Variants in MTHFD1L observed in about 807,000 individuals in gnomAD.
The protein encoded by MTHFD1L is methylenetetrahydrofolate dehydrogenase (NADP+ dependent) 1 like, also known as monofunctional C1-tetrahydrofolate synthase, mitochondrial.
MTHFD1L carries 81 observed loss-of-function variants against 119.5 expected under a neutral mutation model. The ratio of observed to expected loss-of-function variants is 0.68; its 90% CI spans 0.57 to 0.82. The LOEUF (loss-of-function observed/expected upper bound fraction) is 0.82, where lower values mean the gene tolerates loss of function less well. Among genes scored for constraint, MTHFD1L ranks in the 40% least tolerant of loss-of-function variants. The pLI is 0.00. For missense variants in MTHFD1L, 1,125 were observed against 1,253.4 expected (o/e 0.90, Z 1.55); for synonymous variants, 430 against 475.2 (o/e 0.90, Z 1.24).
chr6:151,049,035 G>C lies in MTHFD1L; in HGVS notation c.2847+11918G>C, dbSNP rs115593626. On this transcript the variant is annotated intron_variant, in intron 26 of 27. Transcript: ENST00000367321. ...GGCACTAATTGCAAATCCAGGCCAT[G>C]CATACTTCTCTGACTGCCTGGCTAA... Among the ~76,000 whole-genome samples the C allele has an allele frequency of 4.7e-3, 714 of 152,342 alleles. 7 individuals are homozygous for C. The highest frequency in any genetic ancestry group is 0.017 in the African/African-American group (689 of 41,590).
chr6:151,069,990 G>A (rs775877508), intron 26 of MTHFD1L, among the ~76,000 whole-genome samples: 5 of 152,032 alleles, frequency 3.3e-5, no homozygotes, highest in Admixed American at 6.6e-5. Flanking sequence ...ACTCTTCATC[G>A]GCAAGGTGTC....
chr6:150,998,652 A>C (rs975766722), intron 20 of MTHFD1L, among the ~76,000 whole-genome samples: 1 of 149,776 alleles, frequency 6.7e-6, no homozygotes, highest in African/African-American at 2.5e-5. Context: ...GCATGCAGTT[A>C]AATCTTTCAT....
chr6:150,917,485 A>G (rs1184227734), intron 8 of MTHFD1L, among the ~76,000 whole-genome samples: 1 of 151,462 alleles, frequency 6.6e-6, no homozygotes, highest in African/African-American at 2.4e-5. Flanking sequence ...GAGAGACTCT[A>G]TCTCAAAAAT....
At chr6:150,977,530 G>A (rs906801990) in intron 20 of MTHFD1L, among the ~76,000 whole-genome samples, 13 of 152,106 alleles carry the variant, frequency 8.5e-5, no homozygotes, top group Non-Finnish European at 1.5e-4. Context: ...ATTTGGCATC[G>A]AATTCTAATC....
Position 151,012,016 on chromosome 6 carries a change from C to T in MTHFD1L, c.2266-1763C>T, listed in dbSNP as rs1007765723. Among the ~76,000 whole-genome samples the T allele has an allele frequency of 9.8e-4, 27 of 27,620 alleles. No homozygotes were observed. In the East Asian group the frequency reaches 0.021, roughly 21 times the overall value. The allele number at this position is 27,620 out of a possible 152,430, so 18.1% of individuals were successfully genotyped here. Reference sequence around the variant, plus strand: ...AAGTCCATCTCAACAACAACAACAACAACAAAAAAAAAAAAAAAAAAAAAA... The same window carrying T: ...AAGTCCATCTCAACAACAACAACAATAACAAAAAAAAAAAAAAAAAAAAAA... On this transcript the variant is annotated intron_variant, in intron 21 of 27. Coordinates refer to ENST00000367321, the MANE Select transcript of MTHFD1L (RefSeq NM_015440.5).
intron 4 of MTHFD1L, 54 bp from the exon 5 acceptor site, chr6:150,882,708 G>T: frequency 1.6e-6 from 2 of 1,268,328 alleles, no homozygotes; most frequent in East Asian, 2.9e-5. Flanking sequence ...TTCCTTTGTT[G>T]GGTCTCATTT....
chr6:151,064,516 T>C (rs903516844), intron 26 of MTHFD1L, among the ~76,000 whole-genome samples: 2 of 152,118 alleles, frequency 1.3e-5, no homozygotes, highest in Non-Finnish European at 2.9e-5. Flanking sequence ...GGTTTTACCA[T>C]CTTGGCCAGG....
chr6:150,897,262 C>A (rs899282826), intron 7 of MTHFD1L, among the ~76,000 whole-genome samples: 1 of 152,156 alleles, frequency 6.6e-6, no homozygotes, highest in African/African-American at 2.4e-5. Flanking sequence ...AATTAAAACA[C>A]CATCTATCTC....
intron 20 of MTHFD1L, among the ~76,000 whole-genome samples, chr6:150,975,598 A>G (rs1440693042): frequency 6.6e-6 from 1 of 151,950 alleles, no homozygotes; most frequent in African/African-American, 2.4e-5. Flanking sequence ...AAAACCAAAA[A>G]CTCCAAATGT....
chr6:151,012,039 A>C (rs1186242021), intron 21 of MTHFD1L, among the ~76,000 whole-genome samples: 151 of 147,696 alleles, frequency 1.0e-3, no homozygotes, highest in African/African-American at 3.8e-3. Flanking sequence ...AAAAAAAAAA[A>C]AAAAAAAAAA....
Position 150,926,387 on chromosome 6 carries a change from C to A in MTHFD1L, c.1256+92C>A. ...CTCTCCTCGTACCCCTCAATCCATCCTATTCTCACATTTGACATTTCGTCC... is the reference window on the plus strand; with the variant it reads ...CTCTCCTCGTACCCCTCAATCCATCATATTCTCACATTTGACATTTCGTCC... On this transcript the variant is annotated intron_variant, in intron 11 of 27. Transcript: ENST00000367321. This position sits in a 1 kb window ranked among gnomAD's most constrained non-coding sequence, Gnocchi z 4.3. 1 of 1,135,168 alleles carries A rather than the reference C, an allele frequency of 8.8e-7. No individual in the cohort carries two copies. Among genetic ancestry groups the A allele is most frequent in the Non-Finnish European group, 1.2e-6 (1 of 805,722 alleles). The allele number at this position is 1,135,168 out of a possible 1,614,324, so 70.3% of individuals were successfully genotyped here. A position where few individuals can be genotyped will look rare whatever the true frequency, so the allele number is the denominator to read the frequency against.
chr6:150,967,735 A>G (rs1797428656), intron 19 of MTHFD1L, among the ~76,000 whole-genome samples: 1 of 151,894 alleles, frequency 6.6e-6, no homozygotes. Context: ...ACGATGCTCA[A>G]TGCCTCCCTC....
At chr6:151,000,889 A>G (rs1011857359) in intron 20 of MTHFD1L, among the ~76,000 whole-genome samples, 5 of 152,212 alleles carry the variant, frequency 3.3e-5, no homozygotes, top group Non-Finnish European at 7.3e-5. Context: ...TGTCCAGCAT[A>G]CACCTTGCTT....
chr6:150,910,918 G>A (rs1786774075), intron 8 of MTHFD1L, among the ~76,000 whole-genome samples: 2 of 152,288 alleles, frequency 1.3e-5, no homozygotes. Flanking sequence ...GTCAGCTTTA[G>A]AGAAATTGGA....
chr6:151,086,711 G>A (rs770671455), intron 26 of MTHFD1L, among the ~76,000 whole-genome samples: 2 of 151,846 alleles, frequency 1.3e-5, no homozygotes, highest in Non-Finnish European at 2.9e-5. Flanking sequence ...TTTGTTTTTT[G>A]TAGAGATGGG....
chr6:151,078,052 C>CAAAAAAAAAAA (rs71014538), intron 26 of MTHFD1L, among the ~76,000 whole-genome samples: 2 of 59,934 alleles, frequency 3.3e-5, no homozygotes, highest in Admixed American at 2.8e-4. Context: ...GACTCTGTCT[C>CAAAAAAAAAAA]AAAAAAAAAA....
intron 20 of MTHFD1L, among the ~76,000 whole-genome samples, chr6:150,999,899 A>G (rs912096527): frequency 6.6e-6 from 1 of 152,150 alleles, no homozygotes; most frequent in African/African-American, 2.4e-5. Context: ...TCCTCTTTAC[A>G]CTGCTTACTT....
At chr6:150,889,209 A>G (rs1782824635) in intron 7 of MTHFD1L, among the ~76,000 whole-genome samples, 1 of 152,158 alleles carries the variant, frequency 6.6e-6, no homozygotes. Context: ...ACTATTAAAA[A>G]TGGTGCTGAC....
intron 1 of MTHFD1L, among the ~76,000 whole-genome samples, chr6:150,868,487 G>T (rs1216730676): frequency 1.3e-5 from 2 of 151,760 alleles, no homozygotes; most frequent in East Asian, 3.9e-4. Flanking sequence ...TTACAGGCTC[G>T]CACTACCACG....
Sources: allele counts gnomAD v4.1 joint callset (sites outside exome capture counted in the v4.1 genomes callset), GRCh38; gene constraint gnomAD v4.1.1; non-coding constraint Gnocchi (gnomAD v3.1); transcripts MANE v1.5; gene names NCBI Gene and HGNC (gene_info 2026-07-23, HGNC 2026-07-21).